DMD: variants seen among roughly 807,000 people sequenced by gnomAD.
DMD encodes dystrophin, also known as mutant dystrophin.
Under a neutral mutation model 330.1 loss-of-function variants are expected in DMD, and 63 were observed. The ratio of observed to expected loss-of-function variants is 0.19; its 90% confidence interval spans 0.16 to 0.24. DMD has a LOEUF of 0.24. DMD is among the 10% of genes least tolerant of loss of function. The pLI is 1.00. For missense variants in DMD, 3,344 were observed against 2,684.1 expected (o/e 1.25, Z -5.43); for synonymous variants, 1,223 against 959.8 (o/e 1.27, Z -5.07).
chrX:32,578,639 G>A (rs775586865), intron 13 of DMD, among the ~76,000 whole-genome samples: 8 of 112,191 alleles, frequency 7.1e-5, no homozygotes, highest in Admixed American at 2.8e-4. Context: ...AGGTAACTGA[G>A]GAAAATCTGA....
chrX:31,544,606 T>C (rs940776885), intron 55 of DMD, among the ~76,000 whole-genome samples: 3 of 111,505 alleles, frequency 2.7e-5, no homozygotes, highest in Non-Finnish European at 5.6e-5. Flanking sequence ...TGTCCAGTCA[T>C]ACTGGACATC....
At chrX:32,546,903 C>A (rs768237485) in intron 16 of DMD, among the ~76,000 whole-genome samples, 1 of 111,611 alleles carries the variant, frequency 9.0e-6, no homozygotes, top group Non-Finnish European at 1.9e-5. Context: ...ATGACCATTA[C>A]GTGATAAAAT....
intron 13 of DMD, among the ~76,000 whole-genome samples, chrX:32,587,496 GT>G (rs2054431184): frequency 8.9e-6 from 1 of 111,769 alleles, no homozygotes; most frequent in Non-Finnish European, 1.9e-5. Context: ...TATTCAGATT[GT>G]TTTTTCTTAT....
chrX:31,902,030 T>C (rs746124497), intron 47 of DMD, among the ~76,000 whole-genome samples: 1 of 111,647 alleles, frequency 9.0e-6, no homozygotes, highest in Non-Finnish European at 1.9e-5. Context: ...CTCCATTCCT[T>C]TTAGGTATCT....
At chrX:32,269,678 G>A (rs1156894082) in intron 43 of DMD, among the ~76,000 whole-genome samples, 2 of 111,823 alleles carry the variant, frequency 1.8e-5, no homozygotes, top group African/African-American at 6.5e-5. Context: ...CAAAGGACAA[G>A]CTTTTATGAA....
chrX:31,825,198 A>G (rs746192685), intron 49 of DMD, among the ~76,000 whole-genome samples: 1 of 112,285 alleles, frequency 8.9e-6, no homozygotes, highest in African/African-American at 3.2e-5. Context: ...AAAAGCAATG[A>G]GAAGTAATCA....
chrX:31,272,241 T>C (rs975972038), intron 62 of DMD, among the ~76,000 whole-genome samples: 3 of 112,281 alleles, frequency 2.7e-5, no homozygotes, highest in Non-Finnish European at 5.6e-5. Context: ...AATTTTAGCA[T>C]CTTCACTAAA....
intron 7 of DMD, among the ~76,000 whole-genome samples, chrX:32,721,314 C>T (rs2066285494): frequency 9.0e-6 from 1 of 110,551 alleles, no homozygotes; most frequent in African/African-American, 3.3e-5. Context: ...CTCTAATTTA[C>T]ACCGACACCA....
At chrX:32,899,321 C>T (rs770196069) in intron 2 of DMD, among the ~76,000 whole-genome samples, 23 of 111,374 alleles carry the variant, frequency 2.1e-4, no homozygotes, top group Non-Finnish European at 3.8e-4. Context: ...TATTTCAGTT[C>T]AGTTTGTATC....
At chrX:31,211,570 A>G (rs2044677925) in intron 64 of DMD, among the ~76,000 whole-genome samples, 2 of 112,628 alleles carry the variant, frequency 1.8e-5, no homozygotes, top group African/African-American at 6.5e-5. Context: ...TTTTGTATTA[A>G]GAGTCTTATT....
intron 44 of DMD, among the ~76,000 whole-genome samples, chrX:32,037,967 G>T (rs984615335): frequency 9.0e-6 from 1 of 111,435 alleles, no homozygotes; most frequent in Non-Finnish European, 1.9e-5. Flanking sequence ...CTTTAATGTG[G>T]CAAACACATA....
intron 2 of DMD, among the ~76,000 whole-genome samples, chrX:32,942,112 A>AGTGTGTGCGTGTGTGTGTGTGTGT (rs60820174): frequency 3.0e-4 from 33 of 110,116 alleles, no homozygotes; most frequent in African/African-American, 1.0e-3. Flanking sequence ...TTGAGAAGGG[A>AGTGTGTGCGTGTGTGTGTGTGTGT]GTGTGTGCGT....
At chrX:32,090,553 A>G (rs1355806928) in intron 44 of DMD, among the ~76,000 whole-genome samples, 1 of 111,221 alleles carries the variant, frequency 9.0e-6, no homozygotes, top group East Asian at 2.8e-4. Context: ...AGCCTCAGGG[A>G]AATACTCCTC....
chrX:31,560,628 A>C (rs976694139), intron 55 of DMD, among the ~76,000 whole-genome samples: 1 of 110,947 alleles, frequency 9.0e-6, no homozygotes, highest in Non-Finnish European at 1.9e-5. Flanking sequence ...TGCACACTTA[A>C]AACTTATACC....
chrX:32,995,687 A>C (rs113937091), intron 2 of DMD, among the ~76,000 whole-genome samples: 94 of 112,410 alleles, frequency 8.4e-4, no homozygotes, highest in African/African-American at 3.0e-3. Flanking sequence ...GGTAGTTACA[A>C]CATTGGTTGT....
intron 11 of DMD, among the ~76,000 whole-genome samples, chrX:32,627,151 C>CG (rs1445382433): frequency 2.7e-5 from 1 of 37,320 alleles, no homozygotes; most frequent in Non-Finnish European, 3.9e-5. Context: ...CTTCCCCGCC[C>CG]CCCCCCCCGC....
At chrX:32,510,125 G>A (rs1022544286) in intron 18 of DMD, among the ~76,000 whole-genome samples, 3 of 111,644 alleles carry the variant, frequency 2.7e-5, no homozygotes, top group African/African-American at 6.5e-5. Flanking sequence ...AGCTCAACTC[G>A]CTGACAGCTG....
chrX:33,252,711 A>G (rs936680340), intron 1 of DMD, among the ~76,000 whole-genome samples: 3 of 111,011 alleles, frequency 2.7e-5, no homozygotes, highest in African/African-American at 9.8e-5. Context: ...TAATTTCGCT[A>G]CTTAAAAAAT....
chrX:32,792,181 C>T (rs928143997), intron 7 of DMD, among the ~76,000 whole-genome samples: 4 of 111,290 alleles, frequency 3.6e-5, no homozygotes, highest in Non-Finnish European at 5.7e-5. Context: ...AGTTCCTAGA[C>T]GAGTGAAAGC....
Sources: gnomAD v4.1 joint callset for allele counts (sites outside exome capture counted in the v4.1 genomes callset) on GRCh38, gnomAD v4.1.1 for gene constraint, MANE v1.5 for transcripts, NCBI Gene and HGNC (gene_info 2026-07-23, HGNC 2026-07-21) for gene names.